Variants in TRA2B observed in about 807,000 individuals in gnomAD.
The protein encoded by TRA2B is transformer 2 beta homolog.
A neutral mutation model predicts 41.7 loss-of-function variants in TRA2B; 14 were observed. That is an observed-to-expected ratio of 0.34 (90% CI 0.22 to 0.53). The LOEUF (loss-of-function observed/expected upper bound fraction) is 0.53. Among genes scored for constraint, TRA2B ranks in the 20% least tolerant of loss-of-function variants. The pLI is 0.95. For synonymous variants in TRA2B, 130 were observed against 128.8 expected (o/e 1.01, Z -0.06); for missense variants, 167 against 396.8 (o/e 0.42, Z 4.92).
At chr3:185,921,524 G>A (rs1309558009) in intron 5 of TRA2B, among the ~76,000 whole-genome samples, 2 of 152,148 alleles carry the variant, frequency 1.3e-5, no homozygotes, top group Non-Finnish European at 2.9e-5. Flanking sequence ...CAGCTCTTTG[G>A]GAGGCCGAGG....
intron 1 of TRA2B, 67 bp downstream of exon 1, chr3:185,937,758 G>T (rs1407058569): frequency 6.2e-7 from 1 of 1,604,936 alleles, no homozygotes; most frequent in Non-Finnish European, 8.5e-7. Context: ...GCCCGAGGCC[G>T]ACGGGCCTAG....
At chr3:185,936,281 C>A in intron 1 of TRA2B, 2 of 985,366 alleles carry the variant, frequency 2.0e-6, no homozygotes, top group Non-Finnish European at 2.4e-6. Flanking sequence ...GATTCAACTG[C>A]CAATGATCAG....
chr3:185,914,758 G>A lies in TRA2B; in HGVS notation c.*2957C>T, dbSNP rs897281280. ...GGCATGCTGAAGGAATATTGGAGGCGTGTCCACTGCTAATAAATCCAGCCT... is the reference window on the plus strand; with the variant it reads ...GGCATGCTGAAGGAATATTGGAGGCATGTCCACTGCTAATAAATCCAGCCT... On this transcript the variant is annotated 3_prime_UTR_variant, in exon 9 of 9. Coordinates refer to ENST00000453386, the MANE Select transcript of TRA2B (RefSeq NM_004593.3). 4.7e-5 allele frequency among the ~76,000 whole-genome samples: 7 copies of A among 147,656 alleles called. No homozygotes were observed. In the South Asian group the frequency reaches 8.6e-4, roughly 18 times the overall value.
chr3:185,924,091 A>G (rs1240257591), intron 3 of TRA2B, 107 bp from the exon 4 acceptor site: 2 of 970,056 alleles, frequency 2.1e-6, no homozygotes, highest in South Asian at 1.9e-5. Flanking sequence ...AGAAAAGTAC[A>G]TAATGATTAG....
intron 1 of TRA2B, chr3:185,927,351 GCC>G (rs759039090): frequency 1.3e-5 from 2 of 152,092 alleles, no homozygotes; most frequent in Non-Finnish European, 2.9e-5. Flanking sequence ...ATGGTGGGAG[GCC>G]CCCTAAAAAA....
At position 185,935,088 on chromosome 3, in the gene TRA2B, C is replaced by G. The variant is rs1283422502; in HGVS notation, c.36+2737G>C. The G allele has an allele frequency of 9.1e-6, 9 of 985,398 alleles. No homozygotes were observed. In the African/African-American group the frequency reaches 1.4e-4, roughly 15 times the overall value. The allele number at this position is 985,398 out of a possible 1,614,324, so 61.0% of individuals were successfully genotyped here. A position where few individuals can be genotyped will look rare whatever the true frequency, so the allele number is the denominator to read the frequency against. On this transcript the variant is annotated intron_variant, in intron 1 of 8. Coordinates refer to ENST00000453386, the MANE Select transcript of TRA2B (RefSeq NM_004593.3). ...TATACGCTGTGACCATTATTGGGCT[C>G]TAAAGATTACCCTGCACTTCATCAA...
chr3:185,923,673 AG>A, intron 4 of TRA2B, 122 bp downstream of exon 4: 1 of 865,700 alleles, frequency 1.2e-6, no homozygotes, highest in Non-Finnish European at 1.7e-6. Context: ...TCTCCACAAG[AG>A]GTTGGAGAAA....
Position 185,917,484 on chromosome 3 carries a change from T to TA in TRA2B, c.*230dup. ...AGTCAAAATTTAGACTGTAAAAAAA[T>TA]ACATGCAAAACATACTTTTCTGAAA... On this transcript the variant is annotated 3_prime_UTR_variant, in exon 9 of 9. Coordinates refer to ENST00000453386, the MANE Select transcript of TRA2B (RefSeq NM_004593.3). 1 of 476,148 alleles carries TA rather than the reference T, an allele frequency of 2.1e-6. No homozygotes were observed. Among genetic ancestry groups the TA allele is most frequent in the Non-Finnish European group, 3.8e-6 (1 of 264,484 alleles). 29.5% of individuals were successfully genotyped at this position (476,148 alleles called of 1,614,324 possible).
At chr3:185,935,326 TA>T (rs1199944076) in intron 1 of TRA2B, 1 of 984,416 alleles carries the variant, frequency 1.0e-6, no homozygotes, top group Admixed American at 6.2e-5. Flanking sequence ...ATTTTAGTGT[TA>T]ATCTATTACC....
intron 1 of TRA2B, chr3:185,936,027 G>A: frequency 1.0e-6 from 1 of 985,404 alleles, no homozygotes; most frequent in Non-Finnish European, 1.2e-6. Flanking sequence ...CTTGAGCCGA[G>A]TCTCAAACTG....
At chr3:185,935,367 A>T (rs924413092) in intron 1 of TRA2B, 12 of 985,366 alleles carry the variant, frequency 1.2e-5, no homozygotes, top group African/African-American at 1.7e-5. Flanking sequence ...TAAATCCCAC[A>T]GACCAACGAG....
intron 1 of TRA2B, chr3:185,927,050 T>C (rs1304158066): frequency 4.4e-5 from 10 of 225,392 alleles, no homozygotes; most frequent in African/African-American, 6.8e-5. Flanking sequence ...TGTTACTCCA[T>C]AAAGACTAGG....
chr3:185,918,517 C>T (rs1578470861), intron 7 of TRA2B, 79 bp from the exon 8 acceptor site: 1 of 945,508 alleles, frequency 1.1e-6, no homozygotes. Context: ...ACTATATATA[C>T]TGCCCTTTCA....
rs1013992035 is a variant in TRA2B at position 185,923,805 on chromosome 3, A to G, written c.513T>C (p.Asp171=). 9.3e-6 allele frequency: 15 copies of G among 1,609,414 alleles called. No individual in the cohort carries two copies. The African/African-American group carries it at 1.1e-4, about 12-fold the overall frequency. ...FAFVYFENVD[D]AKEAKERANG... is the part of the protein sequence containing the mutation. ...ACGGGCTTTTACTTACTTCCTTGGCATCATCTACATTTTCAAAATATACAA... is the reference window on the plus strand; with the variant it reads ...ACGGGCTTTTACTTACTTCCTTGGCGTCATCTACATTTTCAAAATATACAA... The change falls in exon 4 of 9, where the codon GAT becomes GAC. Residue 171 remains aspartate, a synonymous_variant. Transcript: ENST00000453386.
Position 185,914,597 on chromosome 3 carries a change from T to C in TRA2B, c.*3118A>G, listed in dbSNP as rs1366238162. On this transcript the variant is annotated 3_prime_UTR_variant, in exon 9 of 9. Coordinates refer to ENST00000453386, the MANE Select transcript of TRA2B (RefSeq NM_004593.3). ...AAGTCTTTACATTATATATTAAAGA[T>C]TACACATAATAATCCTTTACACTAT... 6.6e-6 allele frequency among the ~76,000 whole-genome samples: 1 copy of C among 152,138 alleles called. No individual in the cohort carries two copies. Among genetic ancestry groups the C allele is most frequent in the African/African-American group, 2.4e-5 (1 of 41,420 alleles).
chr3:185,919,141 C>T (rs1743616444), intron 7 of TRA2B, among the ~76,000 whole-genome samples: 1 of 151,694 alleles, frequency 6.6e-6, no homozygotes, highest in Non-Finnish European at 1.5e-5. Context: ...TTTTAAAAAG[C>T]AAGGAAAATG....
intron 1 of TRA2B, chr3:185,934,612 C>G: frequency 2.0e-6 from 2 of 985,256 alleles, no homozygotes; most frequent in Non-Finnish European, 2.4e-6. Flanking sequence ...CAATTCAATC[C>G]TTTTTTAAAG....
chr3:185,935,440 G>A (rs770642157), intron 1 of TRA2B: 10 of 985,236 alleles, frequency 1.0e-5, no homozygotes, highest in African/African-American at 1.7e-5. Flanking sequence ...TCTATTGAGT[G>A]ATCAAACTGA....
intron 6 of TRA2B, among the ~76,000 whole-genome samples, chr3:185,920,128 T>C (rs916610034): frequency 1.3e-5 from 2 of 152,162 alleles, no homozygotes; most frequent in Non-Finnish European, 2.9e-5. Flanking sequence ...TACCAAATTT[T>C]TGGCAAAAAT....
Sources: allele counts gnomAD v4.1 joint callset (sites outside exome capture counted in the v4.1 genomes callset), GRCh38; gene constraint gnomAD v4.1.1; transcripts MANE v1.5; gene names NCBI Gene and HGNC (gene_info 2026-07-23, HGNC 2026-07-21).